PPIP5K2: variants seen among roughly 807,000 people sequenced by gnomAD.
The protein encoded by PPIP5K2 is diphosphoinositol pentakisphosphate kinase 2.
Under a neutral mutation model 154.6 loss-of-function variants are expected in PPIP5K2, and 105 were observed. That is an observed-to-expected ratio of 0.68 (90% CI 0.58 to 0.80). The LOEUF (loss-of-function observed/expected upper bound fraction) is 0.80, where lower values mean the gene tolerates loss of function less well. Ranked by LOEUF, PPIP5K2 falls within the 30% of genes least tolerant of loss-of-function variation. The pLI, the probability that PPIP5K2 is intolerant of heterozygous loss-of-function variation, is 0.00. For synonymous variants in PPIP5K2, 480 were observed against 490.3 expected (o/e 0.98, Z 0.28); for missense variants, 992 against 1,504.6 (o/e 0.66, Z 5.64).
At chr5:103,166,314 C>T (rs1562453123) in intron 17 of PPIP5K2, among the ~76,000 whole-genome samples, 1 of 151,988 alleles carries the variant, frequency 6.6e-6, no homozygotes, top group Non-Finnish European at 1.5e-5. Flanking sequence ...ACTACAGAGT[C>T]CTCCATCATG....
At chr5:103,192,098 T>C (rs1182542991) in intron 29 of PPIP5K2, among the ~76,000 whole-genome samples, 1 of 152,092 alleles carries the variant, frequency 6.6e-6, no homozygotes, top group Non-Finnish European at 1.5e-5. Context: ...TACAAAGTAG[T>C]GACCTTTCCC....
intron 1 of PPIP5K2, among the ~76,000 whole-genome samples, chr5:103,126,397 A>G (rs377103033): frequency 1.3e-5 from 2 of 152,228 alleles, no homozygotes; most frequent in South Asian, 4.1e-4. Context: ...TATTGGATAC[A>G]TACTTTTTTT....
At chr5:103,197,552 TTA>T (rs1459898119) in intron 30 of PPIP5K2, among the ~76,000 whole-genome samples, 1 of 151,310 alleles carries the variant, frequency 6.6e-6, no homozygotes, top group Non-Finnish European at 1.5e-5. Context: ...TCTGTTGGTT[TTA>T]TGTTTAAAAC....
chr5:103,150,916 C>G (rs1381170917), intron 8 of PPIP5K2, among the ~76,000 whole-genome samples: 2 of 112,330 alleles, frequency 1.8e-5, no homozygotes, highest in African/African-American at 6.8e-5. Context: ...TTATCAGATC[C>G]TTTAAAAATT....
intron 30 of PPIP5K2, among the ~76,000 whole-genome samples, chr5:103,195,839 G>T (rs1226718541): frequency 3.3e-5 from 5 of 152,026 alleles, no homozygotes; most frequent in African/African-American, 4.8e-5. Flanking sequence ...TTCCTCTAGT[G>T]CTCTCAAATG....
In PPIP5K2 at chr5:103,165,218, T is replaced by A. The variant is rs1184720155; in HGVS notation, c.1921-1961T>A. Among the ~76,000 whole-genome samples the A allele has an allele frequency of 2.6e-5, 4 of 152,100 alleles. No homozygotes were observed. In the South Asian group the frequency reaches 8.3e-4, roughly 31 times the overall value. On this transcript the variant is annotated intron_variant, in intron 17 of 30. Coordinates refer to ENST00000358359, the MANE Select transcript of PPIP5K2 (RefSeq NM_001276277.3). ...AAGGTTTAATATTTTTTAACATGAA[T>A]TCTGAGTCTTTTACTTCCTCCTTGA...
chr5:103,141,100 G>A (rs907093311), intron 5 of PPIP5K2, among the ~76,000 whole-genome samples: 15 of 152,126 alleles, frequency 9.9e-5, no homozygotes, highest in African/African-American at 3.1e-4. Context: ...TTGGGAGGCC[G>A]AGGTGGGTGG....
At chr5:103,179,249 C>T (rs1311039368) in intron 23 of PPIP5K2, among the ~76,000 whole-genome samples, 3 of 151,868 alleles carry the variant, frequency 2.0e-5, no homozygotes, top group Non-Finnish European at 4.4e-5. Flanking sequence ...TTTTTATGTA[C>T]TCAGTTTATT....
rs1803542464 is a variant in PPIP5K2, at chr5:103,206,849, GA to G, written c.*5217del. On this transcript the variant is annotated 3_prime_UTR_variant, in exon 31 of 31. Coordinates refer to ENST00000358359, the MANE Select transcript of PPIP5K2 (RefSeq NM_001276277.3). The stretch of plus-strand genomic sequence containing the variant: ...AATTGTTTCACTGCTAAGGAGCAAT[GA>G]ACAAAAGGTTCCTGCCATCTTATGG... The G allele has an allele frequency of 1.3e-5, 2 of 152,376 alleles. No individual in the cohort carries two copies. The highest frequency in any genetic ancestry group is 4.1e-4 in the South Asian group (2 of 4,828). 9.4% of individuals were successfully genotyped at this position (152,376 alleles called of 1,614,324 possible). A position where few individuals can be genotyped will look rare whatever the true frequency, so the allele number is the denominator to read the frequency against.
intron 21 of PPIP5K2, among the ~76,000 whole-genome samples, 155 bp from the exon 22 acceptor site, chr5:103,177,512 T>A (rs1006835725): frequency 6.6e-6 from 1 of 152,052 alleles, no homozygotes; most frequent in Non-Finnish European, 1.5e-5. Context: ...CTAAGACTTT[T>A]AAATGTAGTG....
At chr5:103,188,562 T>C (rs1800747335) in intron 28 of PPIP5K2, 1 of 152,172 alleles carries the variant, frequency 6.6e-6, no homozygotes, top group South Asian at 2.1e-4. Context: ...ATGCTACTTT[T>C]TGAAGAAAGT....
At position 103,149,168 on chromosome 5, in the gene PPIP5K2, C is replaced by T. The variant is rs782282942; in HGVS notation, c.761C>T (p.Pro254Leu). 4 of 1,612,580 alleles carry T rather than the reference C, an allele frequency of 2.5e-6. No homozygotes were observed. Among genetic ancestry groups the T allele is most frequent in the Non-Finnish European group, 3.4e-6 (4 of 1,179,264 alleles). Residue 254 changes from proline (P) to leucine (L), a missense_variant, in exon 8 of 31, where the codon CCA (proline) becomes CTA (leucine). Pro to Leu is a moderately conservative substitution (Grantham distance 98). This residue lies in a region of PPIP5K2 where 51 missense variants were observed against 152.2 expected (regional missense o/e 0.33). Transcript: ENST00000358359. ...TTGTGAAAGGTTTATACAGTGGGTCCAGATTATGCCCATGCTGAAGCTCGA... is the reference window on the plus strand; with the variant it reads ...TTGTGAAAGGTTTATACAGTGGGTCTAGATTATGCCCATGCTGAAGCTCGA... The part of the protein sequence containing the change: ...GTDVKVYTVG[P>L]DYAHAEARKS...
intron 17 of PPIP5K2, among the ~76,000 whole-genome samples, chr5:103,160,150 ACTTT>A (rs1287930658): frequency 3.9e-5 from 6 of 152,102 alleles, no homozygotes; most frequent in Admixed American, 1.3e-4. Flanking sequence ...TATATACTAC[ACTTT>A]CTTTATTCAT....
At chr5:103,195,145 A>G (rs1801879890) in intron 30 of PPIP5K2, 120 bp downstream of exon 30, 1 of 1,245,138 alleles carries the variant, frequency 8.0e-7, no homozygotes, top group Non-Finnish European at 1.1e-6. Context: ...GAGCGTAATG[A>G]TCCTAAGGGT....
At chr5:103,144,824 G>A (rs1793466000) in intron 5 of PPIP5K2, among the ~76,000 whole-genome samples, 1 of 152,036 alleles carries the variant, frequency 6.6e-6, no homozygotes, top group Admixed American at 6.6e-5. Flanking sequence ...AGAAAACATT[G>A]TAGAAACACT....
intron 1 of PPIP5K2, among the ~76,000 whole-genome samples, chr5:103,128,840 A>G (rs2149450707): frequency 6.6e-6 from 1 of 152,306 alleles, no homozygotes; most frequent in Non-Finnish European, 1.5e-5. Context: ...GTTCCCTAAA[A>G]AAACTGTTTA....
intron 6 of PPIP5K2, 147 bp downstream of exon 6, chr5:103,146,828 G>A (rs1793831830): frequency 1.5e-6 from 1 of 663,752 alleles, no homozygotes; most frequent in African/African-American, 1.9e-5. Context: ...GATATACTTT[G>A]TTAGAAAAGC....
rs1314658396 is a variant in PPIP5K2, at chr5:103,201,414, TCACAATTATAAC to T, written c.3620-107_3620-96del. ...ATTAAATTTTTACATTTCATTTACA[TCACAATTATAAC>T]AAGAATTGTTTTGTCAATCAGCAGT... On this transcript the variant is annotated intron_variant, in intron 30 of 30. Transcript: ENST00000358359. 4 of 651,906 alleles carry T rather than the reference TCACAATTATAAC, an allele frequency of 6.1e-6. No homozygotes were observed. The African/African-American group carries it at 7.5e-5, about 12-fold the overall frequency. The allele number at this position is 651,906 out of a possible 1,614,324, so 40.4% of individuals were successfully genotyped here. A position where few individuals can be genotyped will look rare whatever the true frequency, so the allele number is the denominator to read the frequency against.
chr5:103,201,734 C>A lies in PPIP5K2; in HGVS notation c.*100C>A. Reference sequence around the variant, plus strand: ...TGTTCACTTAAAAATGTTTTTAAATCTAAGGTTTTCTTTGTTTATGTTCAG... The same window carrying A: ...TGTTCACTTAAAAATGTTTTTAAATATAAGGTTTTCTTTGTTTATGTTCAG... On this transcript the variant is annotated 3_prime_UTR_variant, in exon 31 of 31. Coordinates refer to ENST00000358359, the MANE Select transcript of PPIP5K2 (RefSeq NM_001276277.3). 2.3e-6 allele frequency: 2 copies of A among 863,574 alleles called. No individual in the cohort carries two copies. Among genetic ancestry groups the A allele is most frequent in the Non-Finnish European group, 1.8e-6 (1 of 562,578 alleles). The allele number at this position is 863,574 out of a possible 1,614,324, so 53.5% of individuals were successfully genotyped here.
Sources: gnomAD v4.1 joint callset for allele counts (sites outside exome capture counted in the v4.1 genomes callset) on GRCh38, gnomAD v4.1.1 for gene constraint, gnomAD v4.1.1 regional missense constraint, MANE v1.5 for transcripts, NCBI Gene and HGNC (gene_info 2026-07-23, HGNC 2026-07-21) for gene names.